ZBED3: variants seen among roughly 807,000 people sequenced by gnomAD.
ZBED3 encodes zinc finger BED domain-containing protein 3.
For missense variants in ZBED3, 388 were observed against 362.9 expected (o/e 1.07, Z -0.56); for synonymous variants, 175 against 180.0 (o/e 0.97, Z 0.22).
Position 77,077,201 on chromosome 5 carries a change from G to A in ZBED3, c.678C>T (p.Gly226=). The A allele has an allele frequency of 6.7e-7, 1 of 1,503,246 alleles. No homozygotes were observed. The highest frequency in any genetic ancestry group is 8.8e-7 in the Non-Finnish European group (1 of 1,132,336). The allele number at this position is 1,503,246 out of a possible 1,614,324, so 93.1% of individuals were successfully genotyped here. A position where few individuals can be genotyped will look rare whatever the true frequency, so the allele number is the denominator to read the frequency against. ...ACAGGAGGACCTTTGTGATGACGCA[G>A]CCGTCCCTGTCACCCTCGGGGTCGT... The part of the protein sequence containing the change: ...LKDDPEGDRD[G]CVITKVLL Residue 226 remains glycine, a synonymous_variant, in exon 3 of 3, where the codon GGC becomes GGT. Transcript: ENST00000255198.
chr5:77,083,580 C>T (rs376038108), intron 1 of ZBED3, among the ~76,000 whole-genome samples: 35 of 152,232 alleles, frequency 2.3e-4, no homozygotes, highest in South Asian at 1.5e-3. Context: ...TTGGACTCTC[C>T]GGTGTTATAT....
At position 77,074,261 on chromosome 5, in the gene ZBED3, G is replaced by A. The variant is rs1182909114; in HGVS notation, c.*2913C>T. ...AGGTGATCTTGGGGGCTTTTGAGCA[G>A]GAAGAGTGATAAATCAACATTGGCT... On this transcript the variant is annotated 3_prime_UTR_variant, in exon 3 of 3. Transcript: ENST00000255198. 1 of 152,200 alleles carries A rather than the reference G, an allele frequency of 6.6e-6. No homozygotes were observed. Among genetic ancestry groups the A allele is most frequent in the African/African-American group, 2.4e-5 (1 of 41,414 alleles). The allele number at this position is 152,200 out of a possible 1,614,324, so 9.4% of individuals were successfully genotyped here. A position where few individuals can be genotyped will look rare whatever the true frequency, so the allele number is the denominator to read the frequency against.
At chr5:77,080,470 T>G (rs759400757) in intron 1 of ZBED3, 1 of 512,672 alleles carries the variant, frequency 2.0e-6, no homozygotes, top group Non-Finnish European at 3.9e-6. Flanking sequence ...CCTCCAAGGG[T>G]GGCAAGGGGA....
intron 1 of ZBED3, among the ~76,000 whole-genome samples, chr5:77,085,897 A>C (rs905435190): frequency 1.3e-5 from 2 of 152,254 alleles, no homozygotes; most frequent in Non-Finnish European, 2.9e-5. Context: ...ATGTGTAAAA[A>C]TTTAGAAAAA....
intron 1 of ZBED3, among the ~76,000 whole-genome samples, chr5:77,084,890 G>A (rs998449856): frequency 6.6e-6 from 1 of 152,170 alleles, no homozygotes; most frequent in Non-Finnish European, 1.5e-5. Context: ...GTTTCTTGAA[G>A]CTAAATAAAA....
intron 1 of ZBED3, among the ~76,000 whole-genome samples, chr5:77,085,716 C>A (rs1743223988): frequency 6.6e-6 from 1 of 152,200 alleles, no homozygotes; most frequent in Non-Finnish European, 1.5e-5. Context: ...TGTTATCCGT[C>A]CATCTCTGTT....
Position 77,076,073 on chromosome 5 carries a change from GAAAA to G in ZBED3, c.*1097_*1100del. 7.3e-6 allele frequency: 1 copy of G among 136,906 alleles called. No homozygotes were observed. Among genetic ancestry groups the G allele is most frequent in the African/African-American group, 2.8e-5 (1 of 35,760 alleles). 8.5% of individuals were successfully genotyped at this position (136,906 alleles called of 1,614,324 possible). ...TATATATAATATATACACACATAAA[GAAAA>G]AAAGAAAAGAAAACTGACCCAGAGT... On this transcript the variant is annotated 3_prime_UTR_variant, in exon 3 of 3. Coordinates refer to ENST00000255198, the MANE Select transcript of ZBED3 (RefSeq NM_032367.4).
In ZBED3 at chr5:77,075,953, A is replaced by G. The variant is rs1217459699; in HGVS notation, c.*1221T>C. ...TAAAGTATTATATATACATATATAT[A>G]TATATATATATATGTATATGTATAT... is the stretch of plus-strand genomic sequence containing the variant. On this transcript the variant is annotated 3_prime_UTR_variant, in exon 3 of 3. Coordinates refer to ENST00000255198, the MANE Select transcript of ZBED3 (RefSeq NM_032367.4). 34 of 34,324 alleles carry G rather than the reference A, an allele frequency of 9.9e-4. 5 individuals are homozygous for G. Among genetic ancestry groups the G allele is most frequent in the Admixed American group, 6.7e-3 (18 of 2,676 alleles). 2.1% of individuals were successfully genotyped at this position (34,324 alleles called of 1,614,324 possible).
rs1262572928 is a variant in ZBED3, at chr5:77,077,296, G to A, written c.583C>T (p.Arg195Trp). Residue 195 changes from arginine to tryptophan, a missense_variant, in exon 3 of 3, where the codon CGG becomes TGG. Transcript: ENST00000255198. ...TCACGGCGGCTCACATCCCGCAGCC[G>A]CGCCTGCAGCGCCTCCCGCTCGGCC... ...LQAEREALQA[R>W]LRDVSRREGA... 6.7e-6 allele frequency: 9 copies of A among 1,338,408 alleles called. No homozygotes were observed. The highest frequency in any genetic ancestry group is 6.2e-5 in the East Asian group (2 of 32,164). The allele number at this position is 1,338,408 out of a possible 1,614,324, so 82.9% of individuals were successfully genotyped here.
At position 77,077,583 on chromosome 5, in the gene ZBED3, C is replaced by T. The variant is rs781745383; in HGVS notation, c.296G>A (p.Arg99Gln). 2.2e-6 allele frequency: 3 copies of T among 1,333,420 alleles called. No individual in the cohort carries two copies. Among genetic ancestry groups the T allele is most frequent in the Non-Finnish European group, 1.9e-6 (2 of 1,041,524 alleles). The allele number at this position is 1,333,420 out of a possible 1,614,324, so 82.6% of individuals were successfully genotyped here. ...CCCGGCGCCGCTGCTCTCCAGCTCC[C>T]GCCGGTGCGCGCTCCTCAGGTGCCT... ...LWRHLRSAHR[R>Q]ELESSGAGSS... The change falls in exon 3 of 3, where the codon CGG (arginine) becomes CAG (glutamine). Residue 99 changes from arginine (R) to glutamine (Q), a missense_variant. Arg to Gln is a conservative substitution (Grantham distance 43, BLOSUM62 1). Coordinates refer to ENST00000255198, the MANE Select transcript of ZBED3 (RefSeq NM_032367.4).
rs1035990533 is a variant in ZBED3, at chr5:77,077,401, C to G, written c.478G>C (p.Gly160Arg). 3.2e-6 allele frequency: 4 copies of G among 1,250,830 alleles called. No homozygotes were observed. Among genetic ancestry groups the G allele is most frequent in the African/African-American group, 3.1e-5 (2 of 63,552 alleles). The allele number at this position is 1,250,830 out of a possible 1,614,324, so 77.5% of individuals were successfully genotyped here. The part of the protein sequence containing the change: ...LERRELAVEQ[G>R]ERALERRRRA... ...CGCCTCCGCTCCAGGGCGCGCTCGC[C>G]CTGCTCCACGGCCAGCTCGCGCCGC... The change falls in exon 3 of 3, where the codon GGC becomes CGC. Residue 160 changes from glycine to arginine, a missense_variant. Transcript: ENST00000255198.
rs1332554377 is a variant in ZBED3, at chr5:77,073,428, T to TA, written c.*3745dup. ...TAAGTTCCAATACTTGAAAATAACT[T>TA]AGAGTAATATAAAAATTGCAAAAGA... On this transcript the variant is annotated 3_prime_UTR_variant, in exon 3 of 3. Coordinates refer to ENST00000255198, the MANE Select transcript of ZBED3 (RefSeq NM_032367.4). 6.6e-6 allele frequency: 1 copy of TA among 152,148 alleles called. No individual in the cohort carries two copies. Among genetic ancestry groups the TA allele is most frequent in the Non-Finnish European group, 1.5e-5 (1 of 68,020 alleles). 9.4% of individuals were successfully genotyped at this position (152,148 alleles called of 1,614,324 possible).
At position 77,077,393 on chromosome 5, in the gene ZBED3, G is replaced by A. The variant is rs1241524214; in HGVS notation, c.486C>T (p.Arg162=). The A allele has an allele frequency of 4.0e-6, 5 of 1,248,280 alleles. No homozygotes were observed. The highest frequency in any genetic ancestry group is 7.8e-5 in the Admixed American group (2 of 25,546). 77.3% of individuals were successfully genotyped at this position (1,248,280 alleles called of 1,614,324 possible). Residue 162 remains arginine (R), a synonymous_variant, in exon 3 of 3, where the codon CGC becomes CGT. Transcript: ENST00000255198. The stretch of plus-strand genomic sequence containing the variant: ...GCGCCCTCCGCCTCCGCTCCAGGGC[G>A]CGCTCGCCCTGCTCCACGGCCAGCT... ...RRELAVEQGE[R]ALERRRRALQ...
chr5:77,077,541 G>A lies in ZBED3; in HGVS notation c.338C>T (p.Ala113Val), dbSNP rs1339139279. Residue 113 changes from alanine to valine, a missense_variant, in exon 3 of 3, where the codon GCG becomes GTG. Physicochemically the swap from Ala to Val is moderately conservative, Grantham distance 64. Coordinates refer to ENST00000255198, the MANE Select transcript of ZBED3 (RefSeq NM_032367.4). ...SSGAGSSPPA[A>V]PCPPPPGPAA... ...GGGGCCGGGCGGCGGCGGGCAGGGC[G>A]CGGCAGGTGGGGAGCTCCCGGCGCC... 5.7e-6 allele frequency: 7 copies of A among 1,225,100 alleles called. No homozygotes were observed. Among genetic ancestry groups the A allele is most frequent in the African/African-American group, 1.6e-5 (1 of 63,144 alleles). The allele number at this position is 1,225,100 out of a possible 1,614,324, so 75.9% of individuals were successfully genotyped here.
In ZBED3 at chr5:77,083,889, C is replaced by T. The variant is rs114728499; in HGVS notation, c.-153+3222G>A. Among the ~76,000 whole-genome samples, 613 of 152,250 alleles carry T rather than the reference C, an allele frequency of 4.0e-3. 2 individuals carry two copies. Among genetic ancestry groups the T allele is most frequent in the African/African-American group, 0.014 (566 of 41,556 alleles). On this transcript the variant is annotated intron_variant, in intron 1 of 2. Transcript: ENST00000255198. ...TAAGATAATGGGGAGGTTTAATTAGCCAAAGCCCTGTGATAACGCGTTTCT... is the reference window on the plus strand; with the variant it reads ...TAAGATAATGGGGAGGTTTAATTAGTCAAAGCCCTGTGATAACGCGTTTCT...
rs1743046784 is a variant in ZBED3, at chr5:77,077,584, GC to G, written c.294del (p.Arg99GlyfsTer101). On this transcript the variant is annotated frameshift_variant, in exon 3 of 3. Coordinates refer to ENST00000255198, the MANE Select transcript of ZBED3 (RefSeq NM_032367.4). LOFTEE classifies it low-confidence loss of function (END_TRUNC). The stretch of plus-strand genomic sequence containing the variant: ...CCGGCGCCGCTGCTCTCCAGCTCCC[GC>G]CGGTGCGCGCTCCTCAGGTGCCTCC... ...ALWRHLRSAHRRELESSGAGS... is the reference protein window; with the variant it reads ...ALWRHLRSAHXRELESSGAGS... The G allele has an allele frequency of 7.5e-7, 1 of 1,335,240 alleles. No homozygotes were observed. The allele number at this position is 1,335,240 out of a possible 1,614,324, so 82.7% of individuals were successfully genotyped here. A position where few individuals can be genotyped will look rare whatever the true frequency, so the allele number is the denominator to read the frequency against.
Position 77,073,658 on chromosome 5 carries a change from T to C in ZBED3, c.*3516A>G, listed in dbSNP as rs941821553. 1.3e-5 allele frequency: 2 copies of C among 152,222 alleles called. No homozygotes were observed. The highest frequency in any genetic ancestry group is 1.3e-4 in the Admixed American group (2 of 15,284). 9.4% of individuals were successfully genotyped at this position (152,222 alleles called of 1,614,324 possible). A position where few individuals can be genotyped will look rare whatever the true frequency, so the allele number is the denominator to read the frequency against. ...AATAACTGACGCATTAAATCTTTAT[T>C]GACTAAACAGCTTAAAAAATTACTA... On this transcript the variant is annotated 3_prime_UTR_variant, in exon 3 of 3. Coordinates refer to ENST00000255198, the MANE Select transcript of ZBED3 (RefSeq NM_032367.4).
chr5:77,077,058 C>T lies in ZBED3; in HGVS notation c.*116G>A. 2 of 749,282 alleles carry T rather than the reference C, an allele frequency of 2.7e-6. No homozygotes were observed. The highest frequency in any genetic ancestry group is 3.7e-6 in the Non-Finnish European group (2 of 540,190). 46.4% of individuals were successfully genotyped at this position (749,282 alleles called of 1,614,324 possible). A position where few individuals can be genotyped will look rare whatever the true frequency, so the allele number is the denominator to read the frequency against. ...AGATCCTACAGTTAGCTGGAGCTTCCGAGTGAGTAGCGGCTGCGGGCCTGG... is the reference window on the plus strand; with the variant it reads ...AGATCCTACAGTTAGCTGGAGCTTCTGAGTGAGTAGCGGCTGCGGGCCTGG... On this transcript the variant is annotated 3_prime_UTR_variant, in exon 3 of 3. Coordinates refer to ENST00000255198, the MANE Select transcript of ZBED3 (RefSeq NM_032367.4).
Position 77,077,218 on chromosome 5 carries a change from C to G in ZBED3, c.661G>C (p.Glu221Gln). 1 of 1,499,434 alleles carries G rather than the reference C, an allele frequency of 6.7e-7. No homozygotes were observed. Among genetic ancestry groups the G allele is most frequent in the Admixed American group, 2.1e-5 (1 of 46,760 alleles). 92.9% of individuals were successfully genotyped at this position (1,499,434 alleles called of 1,614,324 possible). Reference sequence around the variant, plus strand: ...ATGACGCAGCCGTCCCTGTCACCCTCGGGGTCGTCCTTGAGCGGCGGCGGC... The same window carrying G: ...ATGACGCAGCCGTCCCTGTCACCCTGGGGGTCGTCCTTGAGCGGCGGCGGC... ...AAPPPLKDDP[E>Q]GDRDGCVITK... Residue 221 changes from glutamate to glutamine, a missense_variant, in exon 3 of 3, where the codon GAG becomes CAG. Transcript: ENST00000255198.
Sources: gnomAD v4.1 joint callset for allele counts (sites outside exome capture counted in the v4.1 genomes callset) on GRCh38, gnomAD v4.1.1 for gene constraint, MANE v1.5 for transcripts, NCBI Gene and HGNC (gene_info 2026-07-23, HGNC 2026-07-21) for gene names.